Variants in DLGAP1 observed in about 807,000 individuals in gnomAD.
DLGAP1 encodes the protein DLG associated protein 1.
DLGAP1 carries 11 observed loss-of-function variants against 90.8 expected under a neutral mutation model. The ratio of observed to expected loss-of-function variants is 0.12; its 90% CI spans 0.08 to 0.20. The LOEUF is 0.20. DLGAP1 is among the 10% of genes least tolerant of loss of function. The probability of loss-of-function intolerance (pLI) is 1.00; values close to 1 mark genes in which losing one functional copy is unlikely to be tolerated. For synonymous variants in DLGAP1, 558 were observed against 540.7 expected, an observed-to-expected ratio of 1.03 and a Z score of -0.44; for missense variants, 1,050 against 1,333.8, an observed-to-expected ratio of 0.79 and a Z score of 3.31.
At chr18:4,154,392 C>A (rs2144434750) in intron 1 of DLGAP1, among the ~76,000 whole-genome samples, 1 of 151,866 alleles carries the variant, frequency 6.6e-6, no homozygotes, top group Middle Eastern at 3.4e-3. Flanking sequence ...TTGGCTTAAG[C>A]TAACTCAAGT....
At chr18:3,534,722 A>G in intron 9 of DLGAP1, 107 bp from the exon 10 acceptor site, 1 of 1,053,512 alleles carries the variant, frequency 9.5e-7, no homozygotes, top group Non-Finnish European at 1.3e-6. Context: ...ACAGAGTCTC[A>G]CTCTGTCTCC....
chr18:3,816,673 G>A (rs2067121794), intron 4 of DLGAP1, among the ~76,000 whole-genome samples: 1 of 152,122 alleles, frequency 6.6e-6, no homozygotes, highest in Admixed American at 6.6e-5. Flanking sequence ...ACAGCGGAGG[G>A]GTGGTATTAT....
At chr18:3,772,356 CTTTCTTTCTTTCTT>C (rs2064676506) in intron 5 of DLGAP1, among the ~76,000 whole-genome samples, 1 of 3,304 alleles carries the variant, frequency 3.0e-4, no homozygotes, top group African/African-American at 6.4e-4. Context: ...CTCTTTCTTT[CTTTCTTTCTTTCTT>C]TCTTTCTTTC....
chr18:3,678,995 C>A (rs895691362), intron 7 of DLGAP1, among the ~76,000 whole-genome samples: 2 of 152,122 alleles, frequency 1.3e-5, no homozygotes, highest in Non-Finnish European at 1.5e-5. Flanking sequence ...TTTTAAAAAA[C>A]CAGTTAATTA....
At chr18:4,195,465 A>G (rs2077479766) in intron 1 of DLGAP1, among the ~76,000 whole-genome samples, 1 of 152,226 alleles carries the variant, frequency 6.6e-6, no homozygotes, top group Admixed American at 6.5e-5. Flanking sequence ...AAAGATGCGA[A>G]ATTTGCATGC....
chr18:3,855,057 G>C (rs1273978910), intron 4 of DLGAP1, among the ~76,000 whole-genome samples: 1 of 152,138 alleles, frequency 6.6e-6, no homozygotes, highest in Non-Finnish European at 1.5e-5. Flanking sequence ...ATGAACGACA[G>C]ACTGGATAAA....
rs1185423870 is a variant in DLGAP1 at position 4,099,345 on chromosome 18, A to ATCTATCTG, written c.-159+51834_-159+51835insCAGATAGA. ...TATCTATCTATCTATCTATCTATCT[A>ATCTATCTG]TCTGTCTGTCTGTCTATCTTTTTAC... On this transcript the variant is annotated intron_variant, in intron 2 of 12. Transcript: ENST00000315677. Among the ~76,000 whole-genome samples the ATCTATCTG allele has an allele frequency of 4.7e-3, 345 of 73,050 alleles. 1 individual carries two copies. Among genetic ancestry groups the ATCTATCTG allele is most frequent in the South Asian group, 7.9e-3 (25 of 3,148 alleles). The allele number at this position is 73,050 out of a possible 152,430, so 47.9% of individuals were successfully genotyped here.
At chr18:3,514,109 C>CT (rs11402114) in intron 10 of DLGAP1, among the ~76,000 whole-genome samples, 81,086 of 145,506 alleles carry the variant, frequency 0.56, 24,744 homozygotes, top group East Asian at 0.76. Flanking sequence ...CTGACTGCTT[C>CT]TTTTTTTTTT....
At chr18:3,524,309 T>C (rs2051460849) in intron 10 of DLGAP1, among the ~76,000 whole-genome samples, 1 of 151,974 alleles carries the variant, frequency 6.6e-6, no homozygotes, top group Non-Finnish European at 1.5e-5. Flanking sequence ...AATTGTGGTA[T>C]ATATATACCA....
intron 1 of DLGAP1, among the ~76,000 whole-genome samples, chr18:4,189,563 T>G (rs1018677603): frequency 1.3e-5 from 2 of 152,076 alleles, no homozygotes; most frequent in African/African-American, 4.8e-5. Flanking sequence ...ACAGATTCAA[T>G]GCAATCCCAA....
At chr18:3,746,689 G>T (rs1443488157) in intron 5 of DLGAP1, among the ~76,000 whole-genome samples, 1 of 152,038 alleles carries the variant, frequency 6.6e-6, no homozygotes, top group Non-Finnish European at 1.5e-5. Flanking sequence ...AAATTCACAG[G>T]AAAGTAACTT....
intron 1 of DLGAP1, among the ~76,000 whole-genome samples, chr18:4,173,671 G>A (rs552548165): frequency 6.6e-6 from 1 of 152,312 alleles, no homozygotes; most frequent in African/African-American, 2.4e-5. Flanking sequence ...CAAAGTCTCA[G>A]TAAAAAGGAG....
chr18:3,809,708 A>G (rs1701080309), intron 5 of DLGAP1, among the ~76,000 whole-genome samples: 1 of 152,220 alleles, frequency 6.6e-6, no homozygotes, highest in South Asian at 2.1e-4. Flanking sequence ...ACTTTAAACT[A>G]TTATTCATGT....
intron 7 of DLGAP1, among the ~76,000 whole-genome samples, chr18:3,582,826 C>T (rs906005086): frequency 6.7e-6 from 1 of 149,714 alleles, no homozygotes; most frequent in Admixed American, 6.7e-5. Context: ...CAGTTCCTTC[C>T]TTCCTTCTTT....
intron 3 of DLGAP1, among the ~76,000 whole-genome samples, chr18:3,990,392 C>A (rs1384378629): frequency 1.3e-5 from 2 of 150,638 alleles, no homozygotes; most frequent in Non-Finnish European, 2.9e-5. Context: ...GACAAAAAAA[C>A]CAAACACCAC....
At position 3,662,095 on chromosome 18, in the gene DLGAP1, AT is replaced by A. The variant is rs1399828857; in HGVS notation, c.1591+67039del. ...AGAATGCTTAAAGTGCCATTTAAAA[AT>A]TTAAAAAAAAAATTTTTTTTAAAGC... On this transcript the variant is annotated intron_variant, in intron 7 of 12. Transcript: ENST00000315677. Among the ~76,000 whole-genome samples, 280 of 136,236 alleles carry A rather than the reference AT, an allele frequency of 2.1e-3. 3 individuals carry two copies. The highest frequency in any genetic ancestry group is 7.6e-3 in the African/African-American group (233 of 30,678). 89.4% of individuals were successfully genotyped at this position (136,236 alleles called of 152,430 possible). A position where few individuals can be genotyped will look rare whatever the true frequency, so the allele number is the denominator to read the frequency against.
intron 1 of DLGAP1, among the ~76,000 whole-genome samples, chr18:4,296,214 T>C (rs898586838): frequency 1.1e-4 from 17 of 152,194 alleles, no homozygotes; most frequent in Non-Finnish European, 1.8e-4. Context: ...GCAGCCTTCC[T>C]TTACCTTCTA....
chr18:4,008,286 GTTA>G (rs1268070056), intron 2 of DLGAP1, among the ~76,000 whole-genome samples: 2 of 151,356 alleles, frequency 1.3e-5, no homozygotes, highest in African/African-American at 4.9e-5. Context: ...CAACAACAAA[GTTA>G]TTATGTCCAG....
chr18:4,432,588 TAG>T (rs1013908003), intron 1 of DLGAP1, among the ~76,000 whole-genome samples: 3 of 68,942 alleles, frequency 4.4e-5, no homozygotes, highest in Admixed American at 3.6e-4. Context: ...TCACCTCACA[TAG>T]TGTGTGTGTG....
Sources: gnomAD v4.1 joint callset for allele counts (sites outside exome capture counted in the v4.1 genomes callset) on GRCh38, gnomAD v4.1.1 for gene constraint, MANE v1.5 for transcripts, NCBI Gene and HGNC (gene_info 2026-07-23, HGNC 2026-07-21) for gene names.